The following FASTKD2 variants were observed in gnomAD, a reference collection of about 807,000 sequenced individuals.
The protein encoded by FASTKD2 is FAST kinase domains 2.
A neutral mutation model predicts 63.6 loss-of-function variants in FASTKD2; 51 were observed. The observed-to-expected ratio is 0.80, with a 90% CI of 0.64 to 1.01. The LOEUF is 1.01. Ranked by LOEUF, FASTKD2 falls within the 50% of genes least tolerant of loss-of-function variation. The pLI is 0.00. For missense variants in FASTKD2, 786 were observed against 831.1 expected (o/e 0.95, Z 0.67); for synonymous variants, 284 against 293.4 (o/e 0.97, Z 0.33).
chr2:206,785,239 A>G (rs1004334864), intron 7 of FASTKD2, among the ~76,000 whole-genome samples: 15 of 152,328 alleles, frequency 9.8e-5, no homozygotes, highest in Non-Finnish European at 1.9e-4. Flanking sequence ...CAAGGGAATT[A>G]TAGGAGCTAC....
rs1237858049 is a variant in FASTKD2, at chr2:206,795,551, A to T, written c.*3749A>T. On this transcript the variant is annotated 3_prime_UTR_variant, in exon 12 of 12. Transcript: ENST00000402774. ...CCCGGTCCAAGATGGCTATCTCTTA[A>T]CACACTTGTAACCCATTTGTGCACA... is the stretch of plus-strand genomic sequence containing the variant. Among the ~76,000 whole-genome samples, 1 of 152,102 alleles carries T rather than the reference A, an allele frequency of 6.6e-6. No individual in the cohort carries two copies. The highest frequency in any genetic ancestry group is 1.5e-5 in the Non-Finnish European group (1 of 67,972).
At position 206,771,939 on chromosome 2, in the gene FASTKD2, C is replaced by G; in HGVS notation, c.1036C>G (p.Gln346Glu). Residue 346 changes from glutamine (Q) to glutamate (E), a missense_variant, in exon 5 of 12, where the codon CAA (glutamine) becomes GAA (glutamate). Physicochemically the swap from Gln to Glu is conservative, Grantham distance 29. Coordinates refer to ENST00000402774, the MANE Select transcript of FASTKD2 (RefSeq NM_001136193.2). ...AGACAGATTTTCTGTTTTGAATAGCCAACACATGTTTGAAGTACTAGCTGC... is the reference window on the plus strand; with the variant it reads ...AGACAGATTTTCTGTTTTGAATAGCGAACACATGTTTGAAGTACTAGCTGC... ...ELDRFSVLNS[Q>E]HMFEVLAAMN... 1 of 1,610,654 alleles carries G rather than the reference C, an allele frequency of 6.2e-7. No individual in the cohort carries two copies. The highest frequency in any genetic ancestry group is 1.3e-5 in the African/African-American group (1 of 74,962).
intron 6 of FASTKD2, among the ~76,000 whole-genome samples, chr2:206,773,801 T>A (rs977303135): frequency 2.6e-5 from 4 of 152,182 alleles, no homozygotes; most frequent in African/African-American, 7.2e-5. Context: ...ATTTTGGGGT[T>A]ATGTCTTACA....
chr2:206,766,410 G>C (rs1689473876), intron 1 of FASTKD2, among the ~76,000 whole-genome samples: 1 of 151,926 alleles, frequency 6.6e-6, no homozygotes, highest in African/African-American at 2.4e-5. Flanking sequence ...TTTTGCACCA[G>C]AAAAATCTCA....
At chr2:206,791,619 TCTAAA>T (rs1690287894) in intron 11 of FASTKD2, 59 bp from the exon 12 acceptor site, 1 of 1,521,138 alleles carries the variant, frequency 6.6e-7, no homozygotes, top group African/African-American at 1.4e-5. Flanking sequence ...TGTTTGGATC[TCTAAA>T]CTAGCTCTTT....
rs111441789 is a variant in FASTKD2 at position 206,793,276 on chromosome 2, A to AC, written c.*1475dup. Among the ~76,000 whole-genome samples the AC allele has an allele frequency of 0.12, 17,353 of 150,158 alleles. 1,510 individuals are homozygous for AC. The highest frequency in any genetic ancestry group is 0.24 in the African/African-American group (9,675 of 40,278). On this transcript the variant is annotated 3_prime_UTR_variant, in exon 12 of 12. Coordinates refer to ENST00000402774, the MANE Select transcript of FASTKD2 (RefSeq NM_001136193.2). ...ATACAAAAACTATAGCAATATGACA[A>AC]CAGCTGCCAGGTTGTATCAATTTAT...
At chr2:206,778,057 T>C (rs1473785812) in intron 7 of FASTKD2, among the ~76,000 whole-genome samples, 4 of 152,062 alleles carry the variant, frequency 2.6e-5, no homozygotes, top group Admixed American at 2.6e-4. Context: ...TTTTTGTCAG[T>C]CTAGCTAAAG....
chr2:206,788,859 A>C lies in FASTKD2; in HGVS notation c.1854A>C (p.Leu618=), dbSNP rs752824082. The C allele has an allele frequency of 6.3e-7, 1 of 1,588,980 alleles. No homozygotes were observed. The highest frequency in any genetic ancestry group is 1.7e-5 in the Admixed American group (1 of 59,986). ...TGGACACTAACAGGAATCAAGTGCT[A>C]CCACTTTCTGATGTGGATACAACTT... ...IRMDTNRNQV[L]PLSDVDTTSA... The change falls in exon 10 of 12, where the codon CTA becomes CTC. Residue 618 remains leucine, a synonymous_variant. Coordinates refer to ENST00000402774, the MANE Select transcript of FASTKD2 (RefSeq NM_001136193.2).
Position 206,767,150 on chromosome 2 carries a change from C to T in FASTKD2, c.457C>T (p.Arg153Cys), listed in dbSNP as rs765423619. ...DVLTKETKPN[R>C]ISSRKLSEEC... is the part of the protein sequence containing the mutation. The stretch of plus-strand genomic sequence containing the variant: ...TCTTACCAAGGAAACAAAACCAAAC[C>T]GTATCAGCAGTAGAAAACTGTCTGA... The change falls in exon 2 of 12, where the codon CGT (arginine) becomes TGT (cysteine). Residue 153 changes from arginine (R) to cysteine (C), a missense_variant. Arg to Cys is a radical substitution (Grantham distance 180). Coordinates refer to ENST00000402774, the MANE Select transcript of FASTKD2 (RefSeq NM_001136193.2). The T allele has an allele frequency of 1.7e-5, 28 of 1,613,966 alleles. No homozygotes were observed. Among genetic ancestry groups the T allele is most frequent in the Non-Finnish European group, 2.1e-5 (25 of 1,179,978 alleles).
At position 206,795,422 on chromosome 2, in the gene FASTKD2, C is replaced by T. The variant is rs979506621; in HGVS notation, c.*3620C>T. On this transcript the variant is annotated 3_prime_UTR_variant, in exon 12 of 12. Transcript: ENST00000402774. ...CTAATTTTTGTATTTTTAGCAGAAA[C>T]AGGGTTTCACCATGTTAGCCAGGAT... is the stretch of plus-strand genomic sequence containing the variant. Among the ~76,000 whole-genome samples the T allele has an allele frequency of 1.3e-5, 2 of 152,180 alleles. No individual in the cohort carries two copies. Among genetic ancestry groups the T allele is most frequent in the Non-Finnish European group, 1.5e-5 (1 of 68,012 alleles).
At chr2:206,790,521 C>T (rs368505232) in intron 10 of FASTKD2, 51 bp from the exon 11 acceptor site, 12 of 1,081,008 alleles carry the variant, frequency 1.1e-5, no homozygotes, top group Non-Finnish European at 1.6e-5. Context: ...TGCAGCAAGA[C>T]TAAATAGTAA....
In FASTKD2 at chr2:206,778,816, C is replaced by T. The variant is rs1386172757; in HGVS notation, c.1427+4419C>T. ...CCATGGCATTAGGTTCTCATAGGCG[C>T]GTGAACCCTATTGTGAACTGTGCAT... is the stretch of plus-strand genomic sequence containing the variant. On this transcript the variant is annotated intron_variant, in intron 7 of 11. Coordinates refer to ENST00000402774, the MANE Select transcript of FASTKD2 (RefSeq NM_001136193.2). 2.6e-5 allele frequency among the ~76,000 whole-genome samples: 4 copies of T among 152,034 alleles called. No individual in the cohort carries two copies. The South Asian group carries it at 8.3e-4, about 32-fold the overall frequency.
rs189527469 is a variant in FASTKD2 at position 206,775,453 on chromosome 2, C to T, written c.1427+1056C>T. 2.3e-3 allele frequency among the ~76,000 whole-genome samples: 345 copies of T among 151,892 alleles called. 2 individuals are homozygous for T. The highest frequency in any genetic ancestry group is 7.8e-3 in the African/African-American group (323 of 41,454). ...CCATCCTGGCATCCCAGGGATAAAT[C>T]CTGCTTGGTCATAATGAATAATCTT... On this transcript the variant is annotated intron_variant, in intron 7 of 11. Coordinates refer to ENST00000402774, the MANE Select transcript of FASTKD2 (RefSeq NM_001136193.2).
At position 206,767,036 on chromosome 2, in the gene FASTKD2, G is replaced by A; in HGVS notation, c.343G>A (p.Asp115Asn). Residue 115 changes from aspartate (D) to asparagine (N), a missense_variant, in exon 2 of 12, where the codon GAC (aspartate) becomes AAC (asparagine). Transcript: ENST00000402774. ...RLLYAKRLFF[D>N]SKQSLVPVDK... is the part of the protein sequence containing the mutation. ...ACTTTATGCTAAAAGACTGTTTTTT[G>A]ACTCAAAGCAGTCTCTTGTCCCTGT... 1 of 1,613,406 alleles carries A rather than the reference G, an allele frequency of 6.2e-7. No individual in the cohort carries two copies. Among genetic ancestry groups the A allele is most frequent in the Non-Finnish European group, 8.5e-7 (1 of 1,179,716 alleles).
intron 7 of FASTKD2, among the ~76,000 whole-genome samples, chr2:206,783,967 A>G (rs945065108): frequency 6.6e-6 from 1 of 152,180 alleles, no homozygotes; most frequent in African/African-American, 2.4e-5. Flanking sequence ...TGCAGAAGAT[A>G]GCCCCTCACA....
chr2:206,777,955 C>T (rs1689867255), intron 7 of FASTKD2, among the ~76,000 whole-genome samples: 1 of 151,994 alleles, frequency 6.6e-6, no homozygotes. Context: ...TCATGATAGT[C>T]TCTTATGAGC....
intron 3 of FASTKD2, 109 bp downstream of exon 3, chr2:206,770,303 TG>T (rs1177855240): frequency 2.6e-6 from 2 of 765,610 alleles, no homozygotes; most frequent in Admixed American, 3.8e-5. Flanking sequence ...GAGGAGGGGT[TG>T]GGGAGGCTTT....
At chr2:206,773,528 A>G (rs924757634) in intron 6 of FASTKD2, among the ~76,000 whole-genome samples, 4 of 152,184 alleles carry the variant, frequency 2.6e-5, no homozygotes, top group Non-Finnish European at 5.9e-5. Context: ...GAGCTGTGTT[A>G]AGAATATAAA....
In FASTKD2 at chr2:206,795,879, G is replaced by A. The variant is rs953515514; in HGVS notation, c.*4077G>A. 5.3e-5 allele frequency among the ~76,000 whole-genome samples: 8 copies of A among 152,316 alleles called. No individual in the cohort carries two copies. Among genetic ancestry groups the A allele is most frequent in the South Asian group, 4.1e-4 (2 of 4,824 alleles). On this transcript the variant is annotated 3_prime_UTR_variant, in exon 12 of 12. Coordinates refer to ENST00000402774, the MANE Select transcript of FASTKD2 (RefSeq NM_001136193.2). ...GTGGCTCTGGAGCCAGCAATGGGCA[G>A]CATCTTCATGACTTTCCAGCTTCCA... is the stretch of plus-strand genomic sequence containing the variant.
Sources: gnomAD v4.1 joint callset for allele counts (sites outside exome capture counted in the v4.1 genomes callset) on GRCh38, gnomAD v4.1.1 for gene constraint, MANE v1.5 for transcripts, NCBI Gene and HGNC (gene_info 2026-07-23, HGNC 2026-07-21) for gene names.